The following SGF29 variants were observed in gnomAD, a reference collection of about 807,000 sequenced individuals.
The protein encoded by SGF29 is SAGA complex associated factor 29.
A neutral mutation model predicts 38.1 loss-of-function variants in SGF29; 15 were observed. The ratio of observed to expected loss-of-function variants is 0.39; its 90% CI spans 0.26 to 0.61. The LOEUF is 0.61. Among genes scored for constraint, SGF29 ranks in the 20% least tolerant of loss-of-function variants. The probability of loss-of-function intolerance (pLI) is 0.49; values close to 1 mark genes in which losing one functional copy is unlikely to be tolerated. For missense variants in SGF29, 184 were observed against 394.6 expected, an observed-to-expected ratio of 0.47 and a Z score of 4.52; for synonymous variants, 151 against 160.8, an observed-to-expected ratio of 0.94 and a Z score of 0.46.
chr16:28,588,448 T>C (rs1481765726), intron 4 of SGF29, among the ~76,000 whole-genome samples: 1 of 152,220 alleles, frequency 6.6e-6, no homozygotes, highest in African/African-American at 2.4e-5. Flanking sequence ...CCGAAGGCAG[T>C]TTGCCTGTGT....
intron 1 of SGF29, among the ~76,000 whole-genome samples, chr16:28,568,980 T>A (rs962171888): frequency 2.6e-5 from 4 of 151,174 alleles, no homozygotes; most frequent in Non-Finnish European, 4.4e-5. Context: ...CCCAGCTACT[T>A]GGGAGGCTGA....
intron 1 of SGF29, among the ~76,000 whole-genome samples, chr16:28,568,146 C>T (rs184900164): frequency 2.0e-5 from 3 of 151,596 alleles, no homozygotes; most frequent in South Asian, 2.1e-4. Context: ...AACCCCATCT[C>T]TACTAAAAAT....
chr16:28,589,159 G>A lies in SGF29; in HGVS notation c.284G>A (p.Arg95Gln), dbSNP rs1297763036. 2 of 1,614,134 alleles carry A rather than the reference G, an allele frequency of 1.2e-6. No homozygotes were observed. Among genetic ancestry groups the A allele is most frequent in the Non-Finnish European group, 8.5e-7 (1 of 1,179,974 alleles). The change falls in exon 5 of 10, where the codon CGG (arginine) becomes CAG (glutamine). Residue 95 changes from arginine to glutamine, a missense_variant. Coordinates refer to ENST00000317058, the MANE Select transcript of SGF29 (RefSeq NM_138414.3). ...ATCAAGTCTCTGTTGGAAGAGAGGC[G>A]GATTGGTGAGTGGGAGAGAACATGC... Reference protein sequence around the residue: ...AEIKSLLEERRIAAKIAGLYN... With the variant: ...AEIKSLLEERQIAAKIAGLYN...
At chr16:28,559,111 G>A (rs1340169076) in intron 1 of SGF29, among the ~76,000 whole-genome samples, 2 of 152,168 alleles carry the variant, frequency 1.3e-5, no homozygotes, top group Non-Finnish European at 1.5e-5. Flanking sequence ...CTTGAGCCCA[G>A]TAGTTTGAGA....
intron 2 of SGF29, among the ~76,000 whole-genome samples, chr16:28,583,618 G>A (rs2046938972): frequency 6.6e-6 from 1 of 152,204 alleles, no homozygotes; most frequent in South Asian, 2.1e-4. Context: ...AGCATCTGCA[G>A]TTGCAGCTCT....
intron 2 of SGF29, among the ~76,000 whole-genome samples, chr16:28,584,028 C>CTTTTT (rs59285238): frequency 7.2e-6 from 1 of 137,974 alleles, no homozygotes; most frequent in African/African-American, 2.6e-5. Context: ...TTAATGCCTT[C>CTTTTT]TTTTTTTTTT....
In SGF29 at chr16:28,581,079, G is replaced by C; in HGVS notation, c.10G>C (p.Val4Leu). 6.2e-7 allele frequency: 1 copy of C among 1,613,868 alleles called. No individual in the cohort carries two copies. The highest frequency in any genetic ancestry group is 1.1e-5 in the South Asian group (1 of 91,002). ...GGTGCCCCTGTAGACAATGGCCCTC[G>C]TGTCTGCCGATTCCCGCATTGCAGA... MAL[V>L]SADSRIAELL... The change falls in exon 2 of 10, where the codon GTG becomes CTG. Residue 4 changes from valine to leucine, a missense_variant. This residue lies in a region of SGF29 where 77 missense variants were observed against 117.7 expected (regional missense o/e 0.65). Coordinates refer to ENST00000317058, the MANE Select transcript of SGF29 (RefSeq NM_138414.3).
At chr16:28,578,067 C>G (rs924261463) in intron 1 of SGF29, among the ~76,000 whole-genome samples, 1 of 151,864 alleles carries the variant, frequency 6.6e-6, no homozygotes, top group Non-Finnish European at 1.5e-5. Flanking sequence ...GTGGCCTAGG[C>G]TCGTCTGGAC....
At chr16:28,564,711 A>ATGTG (rs2046821562) in intron 1 of SGF29, among the ~76,000 whole-genome samples, 2 of 93,338 alleles carry the variant, frequency 2.1e-5, no homozygotes, top group Non-Finnish European at 4.4e-5. Context: ...ATATATACAT[A>ATGTG]TATATGTATA....
intron 1 of SGF29, among the ~76,000 whole-genome samples, chr16:28,576,634 A>T (rs1189255599): frequency 6.6e-6 from 1 of 151,646 alleles, no homozygotes. Context: ...AGAGAGGCAG[A>T]GATTGCAGTG....
At chr16:28,578,684 TAAAAAA>T (rs11300836) in intron 1 of SGF29, among the ~76,000 whole-genome samples, 1 of 138,982 alleles carries the variant, frequency 7.2e-6, no homozygotes, top group African/African-American at 2.6e-5. Context: ...TGAACAACTT[TAAAAAA>T]AAAAAAAAAA....
intron 4 of SGF29, 23 bp from the exon 5 acceptor site, chr16:28,589,077 T>C: frequency 6.2e-7 from 1 of 1,613,864 alleles, no homozygotes; most frequent in Non-Finnish European, 8.5e-7. Flanking sequence ...CAAACCCTCT[T>C]TCTCCCTTCT....
chr16:28,585,480 A>G (rs2046951280), intron 3 of SGF29, 168 bp from the exon 4 acceptor site: 1 of 649,018 alleles, frequency 1.5e-6, no homozygotes, highest in African/African-American at 1.8e-5. Context: ...ATGCGGACTC[A>G]TGGAGCCTGG....
chr16:28,584,952 CAGA>C lies in SGF29; in HGVS notation c.119_121del (p.Lys40del). 1 of 1,613,796 alleles carries C rather than the reference CAGA, an allele frequency of 6.2e-7. No homozygotes were observed. The highest frequency in any genetic ancestry group is 1.3e-5 in the African/African-American group (1 of 74,998). ...GAGCGAACACAACTTAGTGAACATC[CAGA>C]AGACCCATGAGCGGATGCAGACAGA... On this transcript the variant is annotated inframe_deletion, in exon 3 of 10. Transcript: ENST00000317058.
At chr16:28,588,817 C>T (rs997347431) in intron 4 of SGF29, 5 of 371,474 alleles carry the variant, frequency 1.3e-5, no homozygotes, top group Admixed American at 3.8e-5. Context: ...GTGATCCACA[C>T]TCCTCGGCCT....
Position 28,591,736 on chromosome 16 carries a change from C to A in SGF29, c.*30C>A, listed in dbSNP as rs186697957. On this transcript the variant is annotated 3_prime_UTR_variant, in exon 10 of 10. Coordinates refer to ENST00000317058, the MANE Select transcript of SGF29 (RefSeq NM_138414.3). ...GCCTGGCAGACTCGCCATCCCCCAA[C>A]GACACAGGGCAGGACAGCAGAGGAC... 4.6e-6 allele frequency: 7 copies of A among 1,530,696 alleles called. No individual in the cohort carries two copies. The highest frequency in any genetic ancestry group is 6.3e-6 in the Non-Finnish European group (7 of 1,105,058). 94.8% of individuals were successfully genotyped at this position (1,530,696 alleles called of 1,614,324 possible). A position where few individuals can be genotyped will look rare whatever the true frequency, so the allele number is the denominator to read the frequency against.
chr16:28,560,234 A>C (rs1208611472), intron 1 of SGF29, among the ~76,000 whole-genome samples: 1 of 151,520 alleles, frequency 6.6e-6, no homozygotes, highest in African/African-American at 2.4e-5. Context: ...AAAAAAAAAA[A>C]CCACGAAAAT....
At chr16:28,589,247 G>A (rs2046972770) in intron 5 of SGF29, 83 bp downstream of exon 5, 2 of 1,432,280 alleles carry the variant, frequency 1.4e-6, no homozygotes, top group East Asian at 2.3e-5. Flanking sequence ...CTCCTGTGGG[G>A]GCCTGTGGCC....
chr16:28,564,697 G>GTATATATATACA (rs1567285926), intron 1 of SGF29, among the ~76,000 whole-genome samples: 2 of 75,112 alleles, frequency 2.7e-5, no homozygotes, highest in Non-Finnish European at 5.0e-5. Flanking sequence ...GTATATATAT[G>GTATATATATACA]TATATATATA....
Sources: allele counts gnomAD v4.1 joint callset (sites outside exome capture counted in the v4.1 genomes callset), GRCh38; gene constraint gnomAD v4.1.1; regional missense constraint gnomAD v4.1.1; transcripts MANE v1.5; gene names NCBI Gene and HGNC (gene_info 2026-07-23, HGNC 2026-07-21).